Variants in IQCE observed in about 807,000 individuals in gnomAD.
IQCE encodes IQ domain-containing protein E.
Under a neutral mutation model 96.0 loss-of-function variants are expected in IQCE, and 115 were observed. The observed-to-expected ratio is 1.20, with a 90% CI of 1.03 to 1.40. The LOEUF (loss-of-function observed/expected upper bound fraction) is 1.40, where lower values mean the gene tolerates loss of function less well. Among genes scored for constraint, IQCE ranks in the 40% most tolerant of loss-of-function variants. The pLI is 0.00. For synonymous variants in IQCE, 412 were observed against 371.2 expected (o/e 1.11, Z -1.26); for missense variants, 1,041 against 909.1 (o/e 1.15, Z -1.87).
chr7:2,589,226 G>T (rs1408377726), intron 13 of IQCE, among the ~76,000 whole-genome samples: 1 of 151,978 alleles, frequency 6.6e-6, no homozygotes, highest in Non-Finnish European at 1.5e-5. Flanking sequence ...CAATTAGCCT[G>T]GTGTGGTGGT....
intron 14 of IQCE, among the ~76,000 whole-genome samples, chr7:2,591,956 CGTG>C (rs1783624767): frequency 8.2e-6 from 1 of 121,938 alleles, no homozygotes; most frequent in Non-Finnish European, 1.7e-5. Flanking sequence ...GGATTACAGG[CGTG>C]AGCCACCGCA....
rs1465531254 is a variant in IQCE at position 2,571,536 on chromosome 7, T to TA, written c.141_142insA (p.Leu48ThrfsTer3). The TA allele has an allele frequency of 4.4e-6, 7 of 1,606,350 alleles. No individual in the cohort carries two copies. Among genetic ancestry groups the TA allele is most frequent in the Non-Finnish European group, 5.1e-6 (6 of 1,179,968 alleles). Reference sequence around the variant, plus strand: ...TGTTGGCTTTTCCAGAGTCACCTTATCTCTCTAAGCCGAGAAAAGTGGCCT... The same window carrying TA: ...TGTTGGCTTTTCCAGAGTCACCTTATACTCTCTAAGCCGAGAAAAGTGGCCT... On this transcript the variant is annotated frameshift_variant, in exon 4 of 22. Coordinates refer to ENST00000402050, the MANE Select transcript of IQCE (RefSeq NM_152558.5). LOFTEE classifies it high-confidence loss of function.
At chr7:2,604,562 C>G (rs1784655482) in intron 18 of IQCE, among the ~76,000 whole-genome samples, 1 of 152,148 alleles carries the variant, frequency 6.6e-6, no homozygotes, top group South Asian at 2.1e-4. Context: ...AACATGAAAA[C>G]CTAACCATGT....
chr7:2,580,890 C>G (rs2128447794), intron 8 of IQCE, among the ~76,000 whole-genome samples: 1 of 152,214 alleles, frequency 6.6e-6, no homozygotes, highest in African/African-American at 2.4e-5. Context: ...GGGGAGTGGC[C>G]AGGTCAGAGT....
chr7:2,577,051 G>A (rs961202422), intron 6 of IQCE, among the ~76,000 whole-genome samples: 10 of 152,122 alleles, frequency 6.6e-5, no homozygotes, highest in Non-Finnish European at 1.0e-4. Flanking sequence ...AGCCTTCCAC[G>A]TCCCCACCCA....
rs370704456 is a variant in IQCE at position 2,588,654 on chromosome 7, G to GTTTTTTTTT, written c.1044+797_1044+805dup. ...AGACGTGAGCCACTGTGCCTGGCTG[G>GTTTTTTTTT]TTTTTTTTTTTTTTTTTTTTTTTTT... is the stretch of plus-strand genomic sequence containing the variant. On this transcript the variant is annotated intron_variant, in intron 13 of 21. Transcript: ENST00000402050. Among the ~76,000 whole-genome samples, 17 of 49,758 alleles carry GTTTTTTTTT rather than the reference G, an allele frequency of 3.4e-4. 3 individuals carry two copies. Among genetic ancestry groups the GTTTTTTTTT allele is most frequent in the African/African-American group, 1.4e-3 (16 of 11,450 alleles). 32.6% of individuals were successfully genotyped at this position (49,758 alleles called of 152,430 possible).
chr7:2,606,045 C>T (rs755777330), intron 20 of IQCE, 48 bp downstream of exon 20: 1 of 1,562,228 alleles, frequency 6.4e-7, no homozygotes. Flanking sequence ...GCACGAGAGG[C>T]TGCCCACCGC....
chr7:2,582,094 A>T (rs776763198), intron 8 of IQCE: 3 of 469,398 alleles, frequency 6.4e-6, no homozygotes, highest in Non-Finnish European at 1.3e-5. Context: ...AGGCCGCTGG[A>T]GCTGTTCTCC....
chr7:2,577,593 CGT>C (rs976697655), intron 6 of IQCE, among the ~76,000 whole-genome samples: 1 of 127,414 alleles, frequency 7.8e-6, no homozygotes, highest in Non-Finnish European at 1.6e-5. Context: ...CCCGCATTGG[CGT>C]GTGCGTGGCT....
intron 1 of IQCE, among the ~76,000 whole-genome samples, chr7:2,564,482 C>T (rs549028477): frequency 6.6e-6 from 1 of 151,950 alleles, no homozygotes. Context: ...CCTGTAATCC[C>T]AGCTACTCAG....
rs766734642 is a variant in IQCE, at chr7:2,610,028, T to A, written c.1970-16T>A. 13 of 1,408,392 alleles carry A rather than the reference T, an allele frequency of 9.2e-6. No individual in the cohort carries two copies. In the Admixed American group the frequency reaches 2.2e-4, roughly 24 times the overall value. The allele number at this position is 1,408,392 out of a possible 1,614,324, so 87.2% of individuals were successfully genotyped here. A position where few individuals can be genotyped will look rare whatever the true frequency, so the allele number is the denominator to read the frequency against. ...TCAGCGTGGCTGACCCCTCTCCCTGTGGTTCATTTCTGCAGACCCCTCTCC... is the reference window on the plus strand; with the variant it reads ...TCAGCGTGGCTGACCCCTCTCCCTGAGGTTCATTTCTGCAGACCCCTCTCC... On this transcript the variant is annotated splice_polypyrimidine_tract_variant and intron_variant, in intron 21 of 21. Transcript: ENST00000402050.
intron 18 of IQCE, chr7:2,601,666 C>T: frequency 1.9e-6 from 1 of 534,666 alleles, no homozygotes; most frequent in Non-Finnish European, 3.4e-6. Context: ...TCTCCTGCCT[C>T]AGCCTCCCTA....
chr7:2,584,252 C>A lies in IQCE; in HGVS notation c.791C>A (p.Thr264Asn), dbSNP rs566140019. ...TYYEEVHRLQTLLASSETTGK... is the reference protein window; with the variant it reads ...TYYEEVHRLQNLLASSETTGK... ...TATTTACAGGTGCATCGTCTCCAGA[C>A]CCTCTTGGCAAGTTCTGAAACCACC... Residue 264 changes from threonine (T) to asparagine (N), a missense_variant, in exon 11 of 22, where the codon ACC (threonine) becomes AAC (asparagine). Transcript: ENST00000402050. 6.2e-7 allele frequency: 1 copy of A among 1,614,034 alleles called. No individual in the cohort carries two copies. Among genetic ancestry groups the A allele is most frequent in the East Asian group, 2.2e-5 (1 of 44,886 alleles).
intron 8 of IQCE, among the ~76,000 whole-genome samples, chr7:2,580,805 T>C (rs909541027): frequency 2.6e-5 from 4 of 152,152 alleles, no homozygotes; most frequent in South Asian, 2.1e-4. Flanking sequence ...ACTCCCTGAA[T>C]GCACACACAC....
intron 21 of IQCE, 99 bp from the exon 22 acceptor site, chr7:2,609,945 C>T: frequency 1.4e-6 from 1 of 712,800 alleles, no homozygotes; most frequent in Non-Finnish European, 2.5e-6. Flanking sequence ...TGGCTGCCGT[C>T]TTGCCTGCCG....
At chr7:2,581,533 A>T (rs867692765) in intron 8 of IQCE, among the ~76,000 whole-genome samples, 3 of 151,972 alleles carry the variant, frequency 2.0e-5, no homozygotes. Flanking sequence ...ATGACTTTAA[A>T]ATCCAATTTA....
At chr7:2,581,635 G>C (rs557202546) in intron 8 of IQCE, among the ~76,000 whole-genome samples, 19 of 151,992 alleles carry the variant, frequency 1.3e-4, no homozygotes, top group Non-Finnish European at 2.6e-4. Flanking sequence ...GAGTCCAGGA[G>C]TTCAACACCA....
intron 13 of IQCE, among the ~76,000 whole-genome samples, chr7:2,589,336 G>T (rs1360686437): frequency 1.3e-5 from 2 of 152,110 alleles, no homozygotes; most frequent in African/African-American, 4.8e-5. Flanking sequence ...CTCCAGCCTA[G>T]GTGACAGAGC....
rs768260639 is a variant in IQCE at position 2,590,039 on chromosome 7, C to T, written c.1177C>T (p.Leu393Phe). 1.2e-6 allele frequency: 2 copies of T among 1,613,696 alleles called. No homozygotes were observed. Among genetic ancestry groups the T allele is most frequent in the Non-Finnish European group, 1.7e-6 (2 of 1,179,970 alleles). Reference sequence around the variant, plus strand: ...GGACCGCAACAAGGACCACGAGCGTCTCCGAGGGGCTGTGAGAGACCTGAA... The same window carrying T: ...GGACCGCAACAAGGACCACGAGCGTTTCCGAGGGGCTGTGAGAGACCTGAA... ...RGDRNKDHER[L>F]RGAVRDLKEE... Residue 393 changes from leucine to phenylalanine, a missense_variant, in exon 14 of 22, where the codon CTC (leucine) becomes TTC (phenylalanine). Transcript: ENST00000402050.
Sources: gnomAD v4.1 joint callset for allele counts (sites outside exome capture counted in the v4.1 genomes callset) on GRCh38, gnomAD v4.1.1 for gene constraint, MANE v1.5 for transcripts, NCBI Gene and HGNC (gene_info 2026-07-23, HGNC 2026-07-21) for gene names.